Variants in CHLSN observed in about 807,000 individuals in gnomAD.
CHLSN encodes the protein protein cholesin.
At chr7:1,019,691 G>A in the CHLSN span, among the ~76,000 whole-genome samples, 4 of 152,230 alleles carry the variant, frequency 2.6e-5, no homozygotes, top group Admixed American at 6.5e-5. Context: ...ACCACGAGGA[G>A]GGCCCCCACT....
chr7:1,055,579 AG>A, the CHLSN span: 1 of 382,178 alleles, frequency 2.6e-6, no homozygotes, highest in African/African-American at 2.1e-5. Context: ...TGTGCAGCAC[AG>A]GTGGGAGAGA....
the CHLSN span, among the ~76,000 whole-genome samples, chr7:1,134,010 T>G: frequency 6.6e-6 from 1 of 152,056 alleles, no homozygotes. Flanking sequence ...TCGCCATGTT[T>G]CCCAGACTGG....
chr7:1,092,488 C>G, the CHLSN span: 1 of 1,607,404 alleles, frequency 6.2e-7, no homozygotes, highest in Non-Finnish European at 8.5e-7. Context: ...GCGGCCCCGG[C>G]GGCAGAAGGC....
the CHLSN span, among the ~76,000 whole-genome samples, chr7:999,679 G>A: frequency 2.0e-5 from 3 of 152,234 alleles, no homozygotes; most frequent in African/African-American, 7.2e-5. Context: ...GCCCCGCTCT[G>A]AGAGTCTGCA....
the CHLSN span, among the ~76,000 whole-genome samples, chr7:1,089,910 C>G: frequency 6.6e-6 from 1 of 150,816 alleles, no homozygotes; most frequent in East Asian, 1.9e-4. Flanking sequence ...TGGTAAAACC[C>G]CATCTCTACT....
the CHLSN span, among the ~76,000 whole-genome samples, chr7:1,034,358 C>A: frequency 1.3e-5 from 2 of 150,918 alleles, no homozygotes; most frequent in African/African-American, 4.9e-5. Context: ...AATTGAGGTA[C>A]ATGTTTCATG....
At chr7:1,070,643 A>ACG in the CHLSN span, among the ~76,000 whole-genome samples, 1 of 146,694 alleles carries the variant, frequency 6.8e-6, no homozygotes, top group African/African-American at 2.5e-5. Flanking sequence ...GCACACGGAC[A>ACG]CACATGCACA....
chr7:1,109,661 C>T, the CHLSN span, among the ~76,000 whole-genome samples: 3 of 152,040 alleles, frequency 2.0e-5, no homozygotes, highest in Non-Finnish European at 2.9e-5. Context: ...TCCCGCCCGC[C>T]GGGCCCTCCC....
chr7:1,136,562 A>G, the CHLSN span, among the ~76,000 whole-genome samples: 1 of 75,218 alleles, frequency 1.3e-5, no homozygotes, highest in Non-Finnish European at 2.4e-5. Context: ...ACATATATAA[A>G]CATATAAACA....
chr7:1,058,290 A>T, the CHLSN span: 1 of 774,186 alleles, frequency 1.3e-6, no homozygotes, highest in Non-Finnish European at 2.4e-6. Context: ...GCACACGGTC[A>T]TCATCTCGCG....
At chr7:1,014,558 C>A in the CHLSN span, among the ~76,000 whole-genome samples, 1 of 152,236 alleles carries the variant, frequency 6.6e-6, no homozygotes, top group Non-Finnish European at 1.5e-5. Flanking sequence ...CATACCCCAA[C>A]AAAAAGAACT....
At chr7:1,020,556 C>T in the CHLSN span, among the ~76,000 whole-genome samples, 2 of 152,238 alleles carry the variant, frequency 1.3e-5, no homozygotes, top group African/African-American at 2.4e-5. Flanking sequence ...GGTTGGGGAA[C>T]AGGCCAACCC....
chr7:1,072,676 C>CTTTTTTTTTTTTTT, the CHLSN span, among the ~76,000 whole-genome samples: 1 of 110,316 alleles, frequency 9.1e-6, no homozygotes, highest in East Asian at 2.7e-4. Flanking sequence ...CTTTTCTTTC[C>CTTTTTTTTTTTTTT]TTTTTTTTTT....
chr7:1,072,608 G>A, the CHLSN span, among the ~76,000 whole-genome samples: 1 of 152,016 alleles, frequency 6.6e-6, no homozygotes, highest in Admixed American at 6.5e-5. Flanking sequence ...CAACACCAGT[G>A]CCGCCAGCTA....
the CHLSN span, among the ~76,000 whole-genome samples, chr7:1,011,876 G>A: frequency 1.8e-4 from 28 of 152,150 alleles, no homozygotes; most frequent in Admixed American, 1.1e-3. Flanking sequence ...GAAGAGTCCC[G>A]GTGGGAAGGC....
the CHLSN span, chr7:1,082,081 G>A: frequency 6.6e-6 from 1 of 152,268 alleles, no homozygotes; most frequent in African/African-American, 2.4e-5. Context: ...GCCGCCGGGA[G>A]GGGACATCTG....
At chr7:1,032,883 C>T in the CHLSN span, among the ~76,000 whole-genome samples, 12 of 152,266 alleles carry the variant, frequency 7.9e-5, no homozygotes, top group African/African-American at 2.9e-4. Context: ...AGCCCAGTCA[C>T]ACTGTCTGCC....
the CHLSN span, among the ~76,000 whole-genome samples, chr7:1,081,705 G>T: frequency 6.7e-6 from 1 of 149,346 alleles, no homozygotes; most frequent in Non-Finnish European, 1.5e-5. Context: ...GCGCAGCCTG[G>T]GGGAGGGACA....
chr7:1,079,214 C>T, the CHLSN span, among the ~76,000 whole-genome samples: 9 of 152,198 alleles, frequency 5.9e-5, no homozygotes, highest in African/African-American at 9.7e-5. Context: ...AGCTGACATC[C>T]GCAGGCCACA....
Sources: gnomAD v4.1 joint callset for allele counts (sites outside exome capture counted in the v4.1 genomes callset) on GRCh38, gnomAD v4.1.1 for gene constraint, MANE v1.5 for transcripts, NCBI Gene and HGNC (gene_info 2026-07-23, HGNC 2026-07-21) for gene names.